Variants in SLC4A4 observed in about 807,000 individuals in gnomAD.
SLC4A4 encodes the protein solute carrier family 4 member 4.
SLC4A4 carries 27 observed loss-of-function variants against 111.5 expected under a neutral mutation model. The ratio of observed to expected loss-of-function variants is 0.24; its 90% CI spans 0.18 to 0.33. The LOEUF is 0.33. Ranked by LOEUF, SLC4A4 falls within the 10% of genes least tolerant of loss-of-function variation. The pLI is 1.00. For missense variants in SLC4A4, 909 were observed against 1,315.5 expected, an observed-to-expected ratio of 0.69 and a Z score of 4.78; for synonymous variants, 443 against 463.4, an observed-to-expected ratio of 0.96 and a Z score of 0.57.
intron 1 of SLC4A4, among the ~76,000 whole-genome samples, chr4:71,207,482 A>T (rs552197446): frequency 3.5e-4 from 54 of 152,340 alleles, no homozygotes; most frequent in African/African-American, 1.3e-3. Context: ...GATCTTAACA[A>T]CTATGATTTC....
chr4:71,172,586 AATATGAATCTTCTTTAAGTTT>A (rs1467258474), intron 2 of SLC4A4, among the ~76,000 whole-genome samples: 2 of 152,266 alleles, frequency 1.3e-5, no homozygotes, highest in Non-Finnish European at 2.9e-5. Context: ...ATGTTTGCAG[AATATGAATCTTCTTTAAGTTT>A]AAGCAAGTAA....
intron 7 of SLC4A4, among the ~76,000 whole-genome samples, chr4:71,431,965 A>G (rs1309863573): frequency 1.3e-5 from 2 of 152,146 alleles, no homozygotes; most frequent in Non-Finnish European, 2.9e-5. Context: ...GCTGAATGAT[A>G]TGCAAAGCAA....
At chr4:71,448,865 G>A (rs554986296) in intron 9 of SLC4A4, among the ~76,000 whole-genome samples, 1 of 152,290 alleles carries the variant, frequency 6.6e-6, no homozygotes, top group South Asian at 2.1e-4. Context: ...TACTCAGGTA[G>A]CTATTTTATT....
intron 6 of SLC4A4, among the ~76,000 whole-genome samples, chr4:71,357,473 A>T (rs1439874066): frequency 6.6e-6 from 1 of 152,140 alleles, no homozygotes; most frequent in African/African-American, 2.4e-5. Context: ...CTATGATGAA[A>T]CAATTGAATA....
At chr4:71,375,862 T>G (rs1732302777) in intron 6 of SLC4A4, among the ~76,000 whole-genome samples, 1 of 151,942 alleles carries the variant, frequency 6.6e-6, no homozygotes, top group African/African-American at 2.4e-5. Context: ...GGAGATCATG[T>G]AGCCTACAAA....
intron 1 of SLC4A4, among the ~76,000 whole-genome samples, chr4:71,194,846 A>G (rs1007339396): frequency 1.3e-5 from 2 of 152,204 alleles, no homozygotes; most frequent in East Asian, 1.9e-4. Flanking sequence ...TGGAGCTTTT[A>G]TAGTACCTTT....
intron 16 of SLC4A4, among the ~76,000 whole-genome samples, chr4:71,527,882 G>A (rs1429339092): frequency 1.3e-5 from 2 of 152,026 alleles, no homozygotes; most frequent in African/African-American, 4.8e-5. Flanking sequence ...TAAAGCATGA[G>A]AGTGAATGTA....
At chr4:71,429,234 A>G (rs1723429189) in intron 7 of SLC4A4, among the ~76,000 whole-genome samples, 1 of 152,104 alleles carries the variant, frequency 6.6e-6, no homozygotes, top group Non-Finnish European at 1.5e-5. Flanking sequence ...AGGCAGAAGA[A>G]TCCAAGACCT....
intron 16 of SLC4A4, among the ~76,000 whole-genome samples, chr4:71,520,190 C>T (rs893889460): frequency 1.3e-5 from 2 of 152,204 alleles, no homozygotes; most frequent in African/African-American, 4.8e-5. Context: ...CATGAAACCT[C>T]TAAAGACTCA....
At position 71,472,802 on chromosome 4, in the gene SLC4A4, T is replaced by C. The variant is rs754722455; in HGVS notation, c.1735T>C (p.Tyr579His). 5.6e-6 allele frequency: 9 copies of C among 1,612,866 alleles called. No individual in the cohort carries two copies. The highest frequency in any genetic ancestry group is 6.8e-6 in the Non-Finnish European group (8 of 1,179,374). The change falls in exon 14 of 26, where the codon TAC (tyrosine) becomes CAC (histidine). Residue 579 changes from tyrosine (Y) to histidine (H), a missense_variant. This residue lies in a region of SLC4A4 where 264 missense variants were observed against 356.8 expected (regional missense o/e 0.74). Coordinates refer to ENST00000264485, the MANE Select transcript of SLC4A4 (RefSeq NM_001098484.3). ...CACTGATGCCAGCTTCTTGGTTCAA[T>C]ACTTCACACGTTTCACGGAGGAGGG... ...VATDASFLVQYFTRFTEEGFS... is the reference protein window; with the variant it reads ...VATDASFLVQHFTRFTEEGFS...
intron 24 of SLC4A4, among the ~76,000 whole-genome samples, chr4:71,565,684 C>A (rs1292224028): frequency 6.6e-6 from 1 of 151,830 alleles, no homozygotes; most frequent in East Asian, 1.9e-4. Context: ...TAAGGAAACA[C>A]GTGAATTCTA....
chr4:71,547,678 T>C lies in SLC4A4; in HGVS notation c.2652T>C (p.Phe884=). The change falls in exon 20 of 26, where the codon TTT becomes TTC. Residue 884 remains phenylalanine, a synonymous_variant. Coordinates refer to ENST00000264485, the MANE Select transcript of SLC4A4 (RefSeq NM_001098484.3). ...AAAGAGTCACTGGAACCCTTGTGTT[T>C]ATTCTGACTGGTCTGTCAGTCTTTA... ...REQRVTGTLV[F]ILTGLSVFMA... is the part of the protein sequence containing the mutation. 6.2e-7 allele frequency: 1 copy of C among 1,612,114 alleles called. No individual in the cohort carries two copies. The highest frequency in any genetic ancestry group is 1.1e-5 in the South Asian group (1 of 91,030).
chr4:71,091,275 C>T (rs1397739821), intron 1 of SLC4A4, among the ~76,000 whole-genome samples: 14 of 145,308 alleles, frequency 9.6e-5, no homozygotes, highest in African/African-American at 2.6e-4. Flanking sequence ...TTTTTTGAGC[C>T]GGAGTCTTGC....
chr4:71,224,863 A>C (rs937802216), intron 1 of SLC4A4, among the ~76,000 whole-genome samples: 1 of 152,366 alleles, frequency 6.6e-6, no homozygotes, highest in East Asian at 1.9e-4. Flanking sequence ...ATTAGTCTGC[A>C]TGCCTGGTCT....
intron 2 of SLC4A4, among the ~76,000 whole-genome samples, chr4:71,168,959 G>A (rs1744861705): frequency 6.6e-6 from 1 of 151,886 alleles, no homozygotes; most frequent in South Asian, 2.1e-4. Context: ...CTTTTTTTGG[G>A]GGGTATATAC....
In SLC4A4 at chr4:71,349,960, C is replaced by T. The variant is rs1560431471; in HGVS notation, c.438C>T (p.Ser146=). 3 of 1,614,060 alleles carry T rather than the reference C, an allele frequency of 1.9e-6. No individual in the cohort carries two copies. The highest frequency in any genetic ancestry group is 2.5e-6 in the Non-Finnish European group (3 of 1,179,978). Residue 146 remains serine (S), a synonymous_variant, in exon 5 of 26, where the codon AGC becomes AGT. Transcript: ENST00000264485. ...EKVEQGGERW[S]KPHVATLSLH... ...TGGAACAGGGTGGGGAAAGATGGAG[C>T]AAGCCCCATGTGGCCACATTGTCCC...
chr4:71,253,441 G>T (rs979221794), intron 2 of SLC4A4, among the ~76,000 whole-genome samples: 1 of 152,000 alleles, frequency 6.6e-6, no homozygotes, highest in African/African-American at 2.4e-5. Context: ...TATTTAATAA[G>T]GTGAATAGAA....
intron 2 of SLC4A4, among the ~76,000 whole-genome samples, chr4:71,242,103 C>A (rs1165284548): frequency 1.3e-5 from 2 of 152,222 alleles, no homozygotes; most frequent in Admixed American, 1.3e-4. Context: ...AATTTTCCAA[C>A]TGCAGAGAAT....
intron 1 of SLC4A4, among the ~76,000 whole-genome samples, chr4:71,199,399 T>C (rs1260883723): frequency 2.6e-5 from 4 of 152,210 alleles, no homozygotes; most frequent in African/African-American, 9.7e-5. Flanking sequence ...ACATTTTTGG[T>C]TTGGGGTTTA....
Sources: allele counts gnomAD v4.1 joint callset (sites outside exome capture counted in the v4.1 genomes callset), GRCh38; gene constraint gnomAD v4.1.1; regional missense constraint gnomAD v4.1.1; transcripts MANE v1.5; gene names NCBI Gene and HGNC (gene_info 2026-07-23, HGNC 2026-07-21).